NAV3: variants seen among roughly 807,000 people sequenced by gnomAD.
NAV3 encodes pore membrane and/or filament interacting like protein 1.
A neutral mutation model predicts 244.7 loss-of-function variants in NAV3; 87 were observed. The ratio of observed to expected loss-of-function variants is 0.36; its 90% CI spans 0.30 to 0.42. The LOEUF is 0.42. Ranked by LOEUF, NAV3 falls within the 20% of genes least tolerant of loss-of-function variation. The pLI is 1.00. For missense variants in NAV3, 2,663 were observed against 2,893.3 expected (o/e 0.92, Z 1.83); for synonymous variants, 1,126 against 1,042.2 (o/e 1.08, Z -1.55).
intron 1 of NAV3, among the ~76,000 whole-genome samples, chr12:77,909,347 G>A (rs145495780): frequency 2.6e-5 from 4 of 151,834 alleles, no homozygotes; most frequent in African/African-American, 9.7e-5. Context: ...GTCCATCCGG[G>A]TAACAACTGT....
At chr12:77,682,677 T>G (rs1404876437) in intron 2 of NAV3, among the ~76,000 whole-genome samples, 1 of 152,146 alleles carries the variant, frequency 6.6e-6, no homozygotes. Flanking sequence ...ATCATTTGCC[T>G]TTTTTGATAA....
chr12:77,768,287 G>T (rs1023595041), intron 2 of NAV3, among the ~76,000 whole-genome samples: 22 of 152,202 alleles, frequency 1.4e-4, no homozygotes, highest in African/African-American at 5.1e-4. Context: ...CAGGCTTCAG[G>T]CTGTCCCTGG....
At chr12:77,740,557 A>G (rs1306845926) in intron 2 of NAV3, among the ~76,000 whole-genome samples, 1 of 152,224 alleles carries the variant, frequency 6.6e-6, no homozygotes, top group East Asian at 1.9e-4. Context: ...CAAAAAGAAT[A>G]ACAATGGAAT....
At chr12:77,738,275 G>A (rs1245511767) in intron 2 of NAV3, among the ~76,000 whole-genome samples, 2 of 152,132 alleles carry the variant, frequency 1.3e-5, no homozygotes, top group South Asian at 2.1e-4. Flanking sequence ...AGTTAGTGGA[G>A]TGAAAATGCC....
chr12:78,031,020 A>G (rs574517812), intron 9 of NAV3, among the ~76,000 whole-genome samples: 3 of 152,270 alleles, frequency 2.0e-5, no homozygotes, highest in East Asian at 1.9e-4. Flanking sequence ...TTTATTGCTC[A>G]TGGTTGCTGT....
intron 2 of NAV3, among the ~76,000 whole-genome samples, chr12:77,626,261 A>AAG (rs1871616034): frequency 6.6e-6 from 1 of 151,920 alleles, no homozygotes; most frequent in Non-Finnish European, 1.5e-5. Flanking sequence ...GAAAAAAAAA[A>AAG]GGTAAAAGAG....
chr12:78,039,057 A>G (rs1404745785), intron 9 of NAV3, among the ~76,000 whole-genome samples: 1 of 151,968 alleles, frequency 6.6e-6, no homozygotes, highest in African/African-American at 2.4e-5. Flanking sequence ...CTGTTTAAGT[A>G]TTTTTTTTCC....
intron 22 of NAV3, among the ~76,000 whole-genome samples, chr12:78,149,929 C>A (rs1311216059): frequency 6.6e-6 from 1 of 151,888 alleles, no homozygotes; most frequent in Non-Finnish European, 1.5e-5. Flanking sequence ...CATTTTAGCA[C>A]TGTATTTGAA....
chr12:78,142,477 T>A (rs1044003659), intron 20 of NAV3, among the ~76,000 whole-genome samples: 4 of 151,824 alleles, frequency 2.6e-5, no homozygotes, highest in African/African-American at 9.7e-5. Context: ...TTAATTTACA[T>A]TGAAATAGCC....
chr12:77,849,472 A>C (rs935764296), intron 1 of NAV3, among the ~76,000 whole-genome samples: 10 of 152,182 alleles, frequency 6.6e-5, no homozygotes, highest in Non-Finnish European at 2.9e-5. Flanking sequence ...ACATGACACC[A>C]CACATGGAAA....
At chr12:77,903,126 A>G (rs1885516843) in intron 1 of NAV3, among the ~76,000 whole-genome samples, 1 of 152,188 alleles carries the variant, frequency 6.6e-6, no homozygotes, top group African/African-American at 2.4e-5. Flanking sequence ...CTTTCTTCAC[A>G]GAATTGGAAA....
At chr12:77,811,727 T>G (rs1162178933) in intron 2 of NAV3, among the ~76,000 whole-genome samples, 1 of 152,116 alleles carries the variant, frequency 6.6e-6, no homozygotes, top group Non-Finnish European at 1.5e-5. Context: ...CTTAAGACAA[T>G]GGCATTAAAT....
In NAV3 at chr12:77,780,581, C is replaced by T. The variant is rs558889808; in HGVS notation, c.73-159738C>T. Among the ~76,000 whole-genome samples, 19 of 152,182 alleles carry T rather than the reference C, an allele frequency of 1.2e-4. No individual in the cohort carries two copies. In the East Asian group the frequency reaches 1.6e-3, roughly 12 times the overall value. ...GGAAAAGTCCTTAAGCAAGTTTGTG[C>T]GAAGATTGGTCAGTGTGTTTGCTAT... On this transcript the variant is annotated intron_variant, in intron 2 of 8. Coordinates refer to the NAV3 transcript ENST00000550042.
chr12:77,762,360 T>C (rs1402319), intron 2 of NAV3, among the ~76,000 whole-genome samples: 71,602 of 151,844 alleles, frequency 0.47, 17,068 homozygotes, highest in Middle Eastern at 0.54. Context: ...CAAACAATTA[T>C]GACACTTGTC....
chr12:77,744,631 G>A (rs1868442323), intron 2 of NAV3, among the ~76,000 whole-genome samples: 2 of 151,876 alleles, frequency 1.3e-5, no homozygotes, highest in Admixed American at 1.3e-4. Flanking sequence ...AACAACTTCT[G>A]TTTAATCAGT....
chr12:78,126,590 G>T (rs1955915720), intron 16 of NAV3, among the ~76,000 whole-genome samples: 1 of 151,910 alleles, frequency 6.6e-6, no homozygotes, highest in Admixed American at 6.6e-5. Context: ...TCTAAAAGAT[G>T]GTATAGCTTA....
chr12:77,950,398 G>A (rs1385426418), intron 3 of NAV3, among the ~76,000 whole-genome samples: 1 of 151,996 alleles, frequency 6.6e-6, no homozygotes, highest in Non-Finnish European at 1.5e-5. Context: ...GAATTCCCCT[G>A]ATGACATATG....
chr12:77,804,806 G>A (rs910071204), intron 2 of NAV3, among the ~76,000 whole-genome samples: 54 of 152,032 alleles, frequency 3.6e-4, no homozygotes, highest in African/African-American at 1.1e-3. Context: ...GTCCATGAGC[G>A]TGGAATGTTT....
At chr12:77,984,731 CATCT>C (rs1870174576) in intron 5 of NAV3, among the ~76,000 whole-genome samples, 1 of 152,174 alleles carries the variant, frequency 6.6e-6, no homozygotes, top group Admixed American at 6.5e-5. Context: ...TAAATAATGT[CATCT>C]ATCATTTCTT....
Sources: gnomAD v4.1 joint callset for allele counts (sites outside exome capture counted in the v4.1 genomes callset) on GRCh38, gnomAD v4.1.1 for gene constraint, MANE v1.5 for transcripts, NCBI Gene and HGNC (gene_info 2026-07-23, HGNC 2026-07-21) for gene names.